The following MAPK6 variants were observed in gnomAD, a reference collection of about 807,000 sequenced individuals.
The protein encoded by MAPK6 is mitogen-activated protein kinase 6.
Under a neutral mutation model 59.3 loss-of-function variants are expected in MAPK6, and 19 were observed. The ratio of observed to expected loss-of-function variants is 0.32; its 90% confidence interval spans 0.22 to 0.47. The LOEUF (loss-of-function observed/expected upper bound fraction) is 0.47, where lower values mean the gene tolerates loss of function less well. Ranked by LOEUF, MAPK6 falls within the 20% of genes least tolerant of loss-of-function variation. The pLI is 1.00. For synonymous variants in MAPK6, 316 were observed against 290.3 expected, an observed-to-expected ratio of 1.09 and a Z score of -0.90; for missense variants, 724 against 847.9, an observed-to-expected ratio of 0.85 and a Z score of 1.81.
chr15:51,985,675 C>A (rs2057188725), intron 2 of MAPK6, among the ~76,000 whole-genome samples: 1 of 150,210 alleles, frequency 6.7e-6, no homozygotes, highest in African/African-American at 2.4e-5. Context: ...AACAAAAAAC[C>A]CGGCCAGGCG....
upstream of MAPK6, among the ~76,000 whole-genome samples, chr15:52,016,373 G>A (rs1466957754): frequency 6.7e-6 from 1 of 149,922 alleles, no homozygotes; most frequent in Non-Finnish European, 1.5e-5. Context: ...TGGATGACAA[G>A]AGCAAAACTC....
chr15:52,021,199 C>T (rs2030513063), intron 1 of MAPK6, among the ~76,000 whole-genome samples: 1 of 152,092 alleles, frequency 6.6e-6, no homozygotes, highest in African/African-American at 2.4e-5. Flanking sequence ...TACATAAATT[C>T]ATTTAAAGCA....
Position 52,048,848 on chromosome 15 carries a change from C to T in MAPK6, c.556-1145C>T, listed in dbSNP as rs572831171. The stretch of plus-strand genomic sequence containing the variant: ...GGGCAACACAGACAACTTTTTTTTC[C>T]TAGAGAAAAAGAAAAAGAGATGAGT... On this transcript the variant is annotated intron_variant, in intron 2 of 5. Transcript: ENST00000261845. Among the ~76,000 whole-genome samples the T allele has an allele frequency of 2.0e-5, 3 of 151,880 alleles. No homozygotes were observed. The East Asian group carries it at 5.8e-4, about 29-fold the overall frequency.
At chr15:51,995,484 C>T (rs2057221686) in intron 2 of MAPK6, among the ~76,000 whole-genome samples, 1 of 152,196 alleles carries the variant, frequency 6.6e-6, no homozygotes, top group African/African-American at 2.4e-5. Flanking sequence ...GTGCTGCTTT[C>T]ACATCCACTT....
chr15:52,054,729 T>TCC (rs1555399915), intron 3 of MAPK6, among the ~76,000 whole-genome samples: 39 of 147,134 alleles, frequency 2.7e-4, no homozygotes, highest in African/African-American at 9.6e-4. Flanking sequence ...CATATATCTA[T>TCC]ACACACACAC....
In MAPK6 at chr15:52,003,258, A is replaced by G. The variant is rs140090112; in HGVS notation, c.-769-1007A>G. ...GTGAGAACTCATTCACTATCACGAG[A>G]ACAGCATGGGGGAAACCCGCCTCCA... is the stretch of plus-strand genomic sequence containing the variant. On this transcript the variant is annotated intron_variant, in intron 2 of 7. Coordinates refer to the MAPK6 transcript ENST00000691380. Among the ~76,000 whole-genome samples the G allele has an allele frequency of 7.1e-3, 1,074 of 152,264 alleles. 11 individuals are homozygous for G. Among genetic ancestry groups the G allele is most frequent in the Non-Finnish European group, 0.011 (729 of 68,016 alleles).
chr15:52,021,810 G>A (rs1403169120), intron 1 of MAPK6, among the ~76,000 whole-genome samples: 1 of 151,944 alleles, frequency 6.6e-6, no homozygotes, highest in African/African-American at 2.4e-5. Flanking sequence ...ATTATATATT[G>A]TGCTTTGTGA....
At chr15:51,996,250 A>C (rs2057223888) in intron 2 of MAPK6, among the ~76,000 whole-genome samples, 1 of 152,196 alleles carries the variant, frequency 6.6e-6, no homozygotes, top group East Asian at 1.9e-4. Flanking sequence ...ACCAGGGTCA[A>C]TACCCCCGCC....
chr15:52,059,234 C>T (rs11070878), intron 4 of MAPK6, among the ~76,000 whole-genome samples: 10,881 of 152,238 alleles, frequency 0.071, 744 homozygotes, highest in East Asian at 0.4. Context: ...TGCTCGTAAC[C>T]CTGTAGCCAC....
At chr15:52,058,863 G>T in intron 4 of MAPK6, 66 bp downstream of exon 4, 1 of 1,376,970 alleles carries the variant, frequency 7.3e-7, no homozygotes, top group Non-Finnish European at 9.7e-7. Flanking sequence ...GTGTAGGGAA[G>T]CTGGAGCTTT....
intron 2 of MAPK6, among the ~76,000 whole-genome samples, chr15:52,001,888 T>TG (rs1001894321): frequency 6.6e-6 from 1 of 152,170 alleles, no homozygotes; most frequent in Admixed American, 6.5e-5. Context: ...TTCAAGATTT[T>TG]GGGGGGCATC....
At chr15:52,063,841 C>G in intron 5 of MAPK6, 61 bp from the exon 6 acceptor site, 1 of 1,419,266 alleles carries the variant, frequency 7.0e-7, no homozygotes, top group Non-Finnish European at 9.5e-7. Flanking sequence ...AGAAGGTACT[C>G]GGTGAATTTG....
In MAPK6 at chr15:52,046,720, G is replaced by C. The variant is rs776366789; in HGVS notation, c.260G>C (p.Ser87Thr). Residue 87 changes from serine to threonine, a missense_variant, in exon 2 of 6, where the codon AGT becomes ACT. By Grantham distance (58) the Ser-to-Thr change is moderately conservative. Around this residue, in one of 4 missense-constraint regions of MAPK6, gnomAD observed 87 missense variants for 93.0 expected, o/e 0.93. Transcript: ENST00000261845. ...AAAGTGTTTGAGATTCTTGGTCCCA[G>C]TGGAAGCCAATTAACAGACGATGTG... ...IVKVFEILGP[S>T]GSQLTDDVGS... The C allele has an allele frequency of 1.2e-6, 2 of 1,614,234 alleles. No individual in the cohort carries two copies. Among genetic ancestry groups the C allele is most frequent in the South Asian group, 2.2e-5 (2 of 91,082 alleles).
At position 52,064,989 on chromosome 15, in the gene MAPK6, C is replaced by T; in HGVS notation, c.2155C>T (p.His719Tyr). 1 of 1,605,248 alleles carries T rather than the reference C, an allele frequency of 6.2e-7. No homozygotes were observed. The highest frequency in any genetic ancestry group is 8.5e-7 in the Non-Finnish European group (1 of 1,174,686). Residue 719 changes from histidine (H) to tyrosine (Y), a missense_variant, in exon 6 of 6, where the codon CAT (histidine) becomes TAT (tyrosine). By Grantham distance (83) the His-to-Tyr change is moderately conservative (BLOSUM62 2). Around this residue, in one of 4 missense-constraint regions of MAPK6, gnomAD observed 502 missense variants for 507.6 expected, o/e 0.99. Coordinates refer to ENST00000261845, the MANE Select transcript of MAPK6 (RefSeq NM_002748.4). ...TCAAACATACAGCAGCATTCTGAAA[C>T]ATCTGAACTAAAACACTCAGCAGAC... ...PHQTYSSILK[H>Y]LN
chr15:51,985,821 G>A (rs1239898167), intron 2 of MAPK6, among the ~76,000 whole-genome samples: 1 of 152,008 alleles, frequency 6.6e-6, no homozygotes, highest in Non-Finnish European at 1.5e-5. Context: ...AGCCCGGCAT[G>A]GTGGTGGGCG....
At chr15:51,983,129 A>C (rs991511776) in intron 1 of MAPK6, among the ~76,000 whole-genome samples, 13 of 152,210 alleles carry the variant, frequency 8.5e-5, no homozygotes, top group Admixed American at 6.6e-5. Flanking sequence ...AACTAATAGG[A>C]AAACAGCCAA....
chr15:52,060,940 C>G (rs2032175313), intron 4 of MAPK6, among the ~76,000 whole-genome samples: 2 of 152,182 alleles, frequency 1.3e-5, no homozygotes, highest in Non-Finnish European at 2.9e-5. Flanking sequence ...AGTAGCCTAT[C>G]CAGCACTACA....
chr15:52,011,975 C>G lies in MAPK6; in HGVS notation c.-632+7573C>G, dbSNP rs148611695. 5.8e-3 allele frequency among the ~76,000 whole-genome samples: 885 copies of G among 152,328 alleles called. 8 individuals are homozygous for G. The highest frequency in any genetic ancestry group is 9.2e-3 in the Non-Finnish European group (628 of 68,028). Reference sequence around the variant, plus strand: ...TCCTCTGCAGTTCCTTTTAGACCCTCCTTGACAGGTGGCCATTGTTTTCTG... The same window carrying G: ...TCCTCTGCAGTTCCTTTTAGACCCTGCTTGACAGGTGGCCATTGTTTTCTG... On this transcript the variant is annotated intron_variant, in intron 3 of 7. Transcript: ENST00000691380.
At chr15:52,056,273 A>G (rs767598330) in intron 3 of MAPK6, among the ~76,000 whole-genome samples, 13 of 152,114 alleles carry the variant, frequency 8.5e-5, no homozygotes, top group Non-Finnish European at 1.2e-4. Context: ...TAGCACTTCT[A>G]TCTCTTGCAT....
Sources: allele counts gnomAD v4.1 joint callset (sites outside exome capture counted in the v4.1 genomes callset), GRCh38; gene constraint gnomAD v4.1.1; regional missense constraint gnomAD v4.1.1; transcripts MANE v1.5; gene names NCBI Gene and HGNC (gene_info 2026-07-23, HGNC 2026-07-21).